Variants in SLC12A8 observed in about 807,000 individuals in gnomAD.
SLC12A8 encodes solute carrier family 12 member 8, also known as cation-chloride cotransporter 9.
A neutral mutation model predicts 75.6 loss-of-function variants in SLC12A8; 69 were observed. That is an observed-to-expected ratio of 0.91 (90% CI 0.75 to 1.11). The LOEUF is 1.11. SLC12A8 is among the 50% of genes most tolerant of loss of function. The pLI is 0.00. For missense variants in SLC12A8, 877 were observed against 896.7 expected, an observed-to-expected ratio of 0.98 and a Z score of 0.28; for synonymous variants, 365 against 372.8, an observed-to-expected ratio of 0.98 and a Z score of 0.24.
At chr3:125,106,558 C>T (rs1402573933) in intron 10 of SLC12A8, among the ~76,000 whole-genome samples, 1 of 152,202 alleles carries the variant, frequency 6.6e-6, no homozygotes, top group Non-Finnish European at 1.5e-5. Flanking sequence ...CAGCAGCCAC[C>T]ATGCCTGGCT....
chr3:125,133,931 G>A (rs916451129), intron 6 of SLC12A8, among the ~76,000 whole-genome samples: 7 of 151,856 alleles, frequency 4.6e-5, no homozygotes, highest in African/African-American at 7.3e-5. Flanking sequence ...TCCCTCCTTC[G>A]TGCTCCTCTC....
intron 6 of SLC12A8, chr3:125,125,950 C>T (rs62265711): frequency 1.0e-6 from 1 of 984,528 alleles, no homozygotes; most frequent in Non-Finnish European, 1.2e-6. Context: ...GCATCACCAG[C>T]TCCTAATCTC....
intron 5 of SLC12A8, among the ~76,000 whole-genome samples, chr3:125,152,058 C>T (rs1209075755): frequency 6.6e-6 from 1 of 152,196 alleles, no homozygotes; most frequent in African/African-American, 2.4e-5. Context: ...AGTATTTCTT[C>T]CCTGATAATG....
rs149532107 is a variant in SLC12A8, at chr3:125,202,880, G to A, written c.51+8419C>T. 9.2e-3 allele frequency among the ~76,000 whole-genome samples: 1,396 copies of A among 152,106 alleles called. 21 individuals are homozygous for A. The highest frequency in any genetic ancestry group is 0.031 in the African/African-American group (1,304 of 41,482). ...AGGCGGGCGGATCACCTGAGGTCAG[G>A]AGTTTGAGACCAGCCTGCCCAACAT... On this transcript the variant is annotated intron_variant, in intron 2 of 13. Coordinates refer to ENST00000469902, the MANE Select transcript of SLC12A8 (RefSeq NM_024628.6).
At chr3:125,150,641 C>T (rs900325590) in intron 5 of SLC12A8, among the ~76,000 whole-genome samples, 24 of 152,148 alleles carry the variant, frequency 1.6e-4, no homozygotes, top group African/African-American at 5.6e-4. Flanking sequence ...GAGAACATTG[C>T]AAGCCTGAGA....
intron 8 of SLC12A8, among the ~76,000 whole-genome samples, chr3:125,117,761 T>G (rs1173951678): frequency 6.6e-6 from 1 of 152,158 alleles, no homozygotes; most frequent in Non-Finnish European, 1.5e-5. Flanking sequence ...TGGGAGTTTT[T>G]GGGGATTTCC....
chr3:125,086,420 A>T (rs1187074077), intron 13 of SLC12A8, among the ~76,000 whole-genome samples: 1 of 152,080 alleles, frequency 6.6e-6, no homozygotes, highest in Non-Finnish European at 1.5e-5. Context: ...CACTGCTGTG[A>T]CCTCCAAGGT....
intron 6 of SLC12A8, among the ~76,000 whole-genome samples, chr3:125,133,080 T>C (rs551216727): frequency 1.3e-5 from 2 of 152,016 alleles, no homozygotes; most frequent in Non-Finnish European, 2.9e-5. Context: ...AAGGAGAGAC[T>C]GGGAGAGTTG....
chr3:125,178,039 G>A (rs369741231), intron 4 of SLC12A8, 65 bp from the exon 5 acceptor site: 32 of 1,338,120 alleles, frequency 2.4e-5, no homozygotes, highest in Middle Eastern at 1.9e-4. Context: ...GGGCAGAACC[G>A]CCCAGCGCTG....
At chr3:125,126,716 C>A (rs749829307) in intron 6 of SLC12A8, among the ~76,000 whole-genome samples, 9 of 152,230 alleles carry the variant, frequency 5.9e-5, no homozygotes, top group Non-Finnish European at 1.2e-4. Flanking sequence ...TTCCAAGATT[C>A]CTCCTGGGGA....
At chr3:125,151,547 TG>T (rs776212326) in intron 5 of SLC12A8, 7 of 154,068 alleles carry the variant, frequency 4.5e-5, no homozygotes, top group Non-Finnish European at 7.3e-5. Flanking sequence ...GCATCTGATC[TG>T]GGATTGTGAG....
intron 5 of SLC12A8, among the ~76,000 whole-genome samples, chr3:125,137,962 C>T (rs905459670): frequency 4.3e-4 from 66 of 152,072 alleles, no homozygotes; most frequent in African/African-American, 1.4e-3. Flanking sequence ...CACACTCACA[C>T]GCTCACACTC....
chr3:125,111,443 T>G (rs78546063), intron 8 of SLC12A8, among the ~76,000 whole-genome samples: 4,486 of 152,306 alleles, frequency 0.029, 174 homozygotes, highest in South Asian at 0.094. Context: ...TTCACCCTCC[T>G]GGGCCAGATC....
chr3:125,151,942 G>T (rs1443563386), intron 5 of SLC12A8, among the ~76,000 whole-genome samples: 1 of 152,174 alleles, frequency 6.6e-6, no homozygotes, highest in Non-Finnish European at 1.5e-5. Flanking sequence ...CTGTGAGGCA[G>T]ATATTATTAT....
chr3:125,096,178 C>G (rs1437826285), intron 10 of SLC12A8, among the ~76,000 whole-genome samples: 1 of 152,194 alleles, frequency 6.6e-6, no homozygotes, highest in African/African-American at 2.4e-5. Flanking sequence ...AACTCTTCTT[C>G]TACTTCTCTG....
chr3:125,138,873 C>CAT (rs1933559545), intron 5 of SLC12A8, among the ~76,000 whole-genome samples: 1 of 151,564 alleles, frequency 6.6e-6, no homozygotes, highest in African/African-American at 2.4e-5. Context: ...CACACACACA[C>CAT]ACACACACAC....
chr3:125,118,044 G>T (rs1392111152), intron 8 of SLC12A8, among the ~76,000 whole-genome samples: 1 of 152,252 alleles, frequency 6.6e-6, no homozygotes, highest in Non-Finnish European at 1.5e-5. Flanking sequence ...TGCCTGTCCA[G>T]CCTCCTTCTC....
chr3:125,103,803 T>C (rs1331052567), intron 10 of SLC12A8, among the ~76,000 whole-genome samples: 1 of 151,706 alleles, frequency 6.6e-6, no homozygotes, highest in East Asian at 2.0e-4. Context: ...CCCACTAATT[T>C]TTTAGTTTTT....
chr3:125,088,011 G>A, intron 13 of SLC12A8: 2 of 392,844 alleles, frequency 5.1e-6, no homozygotes, highest in Non-Finnish European at 9.4e-6. Flanking sequence ...TAAACTCACT[G>A]AGAGTAGTGA....
Sources: gnomAD v4.1 joint callset for allele counts (sites outside exome capture counted in the v4.1 genomes callset) on GRCh38, gnomAD v4.1.1 for gene constraint, MANE v1.5 for transcripts, NCBI Gene and HGNC (gene_info 2026-07-23, HGNC 2026-07-21) for gene names.